SLC2A10: variants seen among roughly 807,000 people sequenced by gnomAD.
The protein encoded by SLC2A10 is solute carrier family 2, facilitated glucose transporter member 10.
SLC2A10 carries 25 observed loss-of-function variants against 32.1 expected under a neutral mutation model. The ratio of observed to expected loss-of-function variants is 0.78; its 90% confidence interval spans 0.57 to 1.09. SLC2A10 has a LOEUF of 1.09. Ranked by LOEUF, SLC2A10 falls within the 50% of genes least tolerant of loss-of-function variation. The pLI, the probability that SLC2A10 is intolerant of heterozygous loss-of-function variation, is 0.00. For missense variants in SLC2A10, 673 were observed against 686.5 expected, an observed-to-expected ratio of 0.98 and a Z score of 0.22; for synonymous variants, 332 against 309.6, an observed-to-expected ratio of 1.07 and a Z score of -0.76.
intron 4 of SLC2A10, among the ~76,000 whole-genome samples, chr20:46,732,102 G>A (rs1387709000): frequency 6.6e-6 from 1 of 152,190 alleles, no homozygotes; most frequent in Admixed American, 6.5e-5. Flanking sequence ...AGATGTGCTT[G>A]TTGGAAATGG....
intron 1 of SLC2A10, among the ~76,000 whole-genome samples, chr20:46,718,127 G>A (rs1047232381): frequency 1.3e-5 from 2 of 152,014 alleles, no homozygotes; most frequent in African/African-American, 2.4e-5. Context: ...GAAAGCTAAG[G>A]CAGGAGGATC....
intron 1 of SLC2A10, among the ~76,000 whole-genome samples, chr20:46,712,974 G>A (rs950067304): frequency 1.3e-5 from 2 of 151,906 alleles, no homozygotes; most frequent in Non-Finnish European, 1.5e-5. Context: ...TTAATTTGAG[G>A]ACGAGGCTTT....
chr20:46,724,858 T>C (rs1212485736), intron 1 of SLC2A10, among the ~76,000 whole-genome samples, 183 bp from the exon 2 acceptor site: 5 of 93,682 alleles, frequency 5.3e-5, no homozygotes, highest in African/African-American at 2.1e-4. Context: ...GTTGAATTGA[T>C]GGAGTGGATG....
rs774452914 is a variant in SLC2A10, at chr20:46,725,846, G to T, written c.810G>T (p.Val270=). The T allele has an allele frequency of 1.9e-6, 3 of 1,614,228 alleles. No homozygotes were observed. Among genetic ancestry groups the T allele is most frequent in the East Asian group, 4.5e-5 (2 of 44,884 alleles). The change falls in exon 2 of 5, where the codon GTG becomes GTT. Residue 270 remains valine, a synonymous_variant. Transcript: ENST00000359271. ...SVGFHGGSSA[V]LASVGLGAVK... is the part of the protein sequence containing the mutation. ...GTTTCCATGGGGGATCCTCAGCCGT[G>T]CTGGCCTCTGTGGGGCTTGGCGCAG...
chr20:46,714,020 A>G (rs780572037), intron 1 of SLC2A10, among the ~76,000 whole-genome samples: 99 of 152,188 alleles, frequency 6.5e-4, no homozygotes, highest in Non-Finnish European at 1.0e-3. Context: ...GCTGATAGGA[A>G]GGGTACTTGG....
At chr20:46,719,871 T>C (rs6012019) in intron 1 of SLC2A10, among the ~76,000 whole-genome samples, 270 of 152,324 alleles carry the variant, frequency 1.8e-3, no homozygotes, top group African/African-American at 6.3e-3. Context: ...AAGGATTTAT[T>C]AGCCCTGTTT....
intron 3 of SLC2A10, among the ~76,000 whole-genome samples, chr20:46,728,229 C>A (rs1418515762): frequency 6.6e-6 from 1 of 152,230 alleles, no homozygotes; most frequent in Non-Finnish European, 1.5e-5. Flanking sequence ...ACCAGCCCCA[C>A]TGCCTTCCAG....
At chr20:46,721,570 C>T (rs998861203) in intron 1 of SLC2A10, among the ~76,000 whole-genome samples, 11 of 151,994 alleles carry the variant, frequency 7.2e-5, no homozygotes, top group African/African-American at 2.7e-4. Flanking sequence ...ACTAAAAGAA[C>T]AAAGAGTATT....
intron 4 of SLC2A10, 32 bp from the exon 5 acceptor site, chr20:46,733,724 C>A (rs1278827713): frequency 6.2e-7 from 1 of 1,600,168 alleles, no homozygotes; most frequent in Non-Finnish European, 8.6e-7. Context: ...GGCCCTGCCA[C>A]CCCCTGATCC....
At chr20:46,719,291 C>G (rs1455375848) in intron 1 of SLC2A10, among the ~76,000 whole-genome samples, 1 of 152,080 alleles carries the variant, frequency 6.6e-6, no homozygotes, top group Non-Finnish European at 1.5e-5. Context: ...ATGGAGTCAG[C>G]GTCTTCTTCC....
chr20:46,724,832 G>GTTGA (rs1979768903), intron 1 of SLC2A10, among the ~76,000 whole-genome samples: 3 of 149,892 alleles, frequency 2.0e-5, no homozygotes, highest in African/African-American at 7.4e-5. Context: ...TGGATGGATG[G>GTTGA]ATGGATGGAT....
upstream of SLC2A10, among the ~76,000 whole-genome samples, chr20:46,709,045 T>A (rs1426338565): frequency 6.6e-6 from 1 of 152,232 alleles, no homozygotes; most frequent in Non-Finnish European, 1.5e-5. Flanking sequence ...CTTTAGTTAC[T>A]TCTTTTTCGT....
chr20:46,725,496 A>G lies in SLC2A10; in HGVS notation c.460A>G (p.Asn154Asp), dbSNP rs747484491. 1 of 1,614,104 alleles carries G rather than the reference A, an allele frequency of 6.2e-7. No individual in the cohort carries two copies. The highest frequency in any genetic ancestry group is 8.5e-7 in the Non-Finnish European group (1 of 1,180,004). Residue 154 changes from asparagine to aspartate, a missense_variant, in exon 2 of 5, where the codon AAC becomes GAC. Transcript: ENST00000359271. ...GGGCATCCTGCTCTCCTATGCCCTC[A>G]ACTATGCACTGGCTGGTACCCCCTG... Reference protein sequence around the residue: ...TVGILLSYALNYALAGTPWGW... With the variant: ...TVGILLSYALDYALAGTPWGW...
intron 1 of SLC2A10, among the ~76,000 whole-genome samples, chr20:46,721,954 C>T (rs1322746410): frequency 1.3e-5 from 2 of 152,252 alleles, no homozygotes; most frequent in East Asian, 3.9e-4. Flanking sequence ...TTTACTACAC[C>T]CAGAGGCTTG....
chr20:46,732,086 T>C (rs1227430289), intron 4 of SLC2A10, among the ~76,000 whole-genome samples: 1 of 152,240 alleles, frequency 6.6e-6, no homozygotes, highest in Non-Finnish European at 1.5e-5. Flanking sequence ...TGCATCCCTG[T>C]GCCTCAGATG....
chr20:46,709,559 C>T (rs1384304478), upstream of SLC2A10: 16 of 749,810 alleles, frequency 2.1e-5, no homozygotes, highest in South Asian at 4.9e-5. Context: ...CTCCAGGCCT[C>T]GGGGCCTGGC....
rs1979587986 is a variant in SLC2A10 at position 46,722,113 on chromosome 20, T to G, written c.5-2928T>G. On this transcript the variant is annotated intron_variant, in intron 1 of 4. Coordinates refer to ENST00000359271, the MANE Select transcript of SLC2A10 (RefSeq NM_030777.4). ...AATCAGAAAATAGTTTATAAAAATCTGGATTTATGGTTTCTCTTTAAAAAA... is the reference window on the plus strand; with the variant it reads ...AATCAGAAAATAGTTTATAAAAATCGGGATTTATGGTTTCTCTTTAAAAAA... 2.0e-5 allele frequency among the ~76,000 whole-genome samples: 3 copies of G among 146,662 alleles called. No individual in the cohort carries two copies. The Admixed American group carries it at 2.1e-4, about 10-fold the overall frequency.
intron 1 of SLC2A10, among the ~76,000 whole-genome samples, chr20:46,718,955 A>G (rs77677617): frequency 6.1e-4 from 93 of 151,774 alleles, no homozygotes; most frequent in South Asian, 4.2e-3. Flanking sequence ...TTTAAAGAAA[A>G]TTTTTCTGTA....
rs1229695330 is a variant in SLC2A10 at position 46,734,043 on chromosome 20, G to C, written c.*209G>C. The C allele has an allele frequency of 1.6e-6, 1 of 626,084 alleles. No individual in the cohort carries two copies. Among genetic ancestry groups the C allele is most frequent in the Non-Finnish European group, 2.9e-6 (1 of 347,582 alleles). 38.8% of individuals were successfully genotyped at this position (626,084 alleles called of 1,614,324 possible). A position where few individuals can be genotyped will look rare whatever the true frequency, so the allele number is the denominator to read the frequency against. The stretch of plus-strand genomic sequence containing the variant: ...TGAGTCTCAGGCCCTGAAGGTTCCT[G>C]AGGATCTAGCTTCATGCCTCAGTTT... On this transcript the variant is annotated 3_prime_UTR_variant, in exon 5 of 5. Coordinates refer to ENST00000359271, the MANE Select transcript of SLC2A10 (RefSeq NM_030777.4).
Sources: gnomAD v4.1 joint callset for allele counts (sites outside exome capture counted in the v4.1 genomes callset) on GRCh38, gnomAD v4.1.1 for gene constraint, MANE v1.5 for transcripts, NCBI Gene and HGNC (gene_info 2026-07-23, HGNC 2026-07-21) for gene names.